Variants in CAST observed in about 807,000 individuals in gnomAD.
CAST encodes the protein calpastatin.
CAST carries 76 observed loss-of-function variants against 119.6 expected under a neutral mutation model. That is an observed-to-expected ratio of 0.64 (90% CI 0.53 to 0.77). The LOEUF (loss-of-function observed/expected upper bound fraction) is 0.77, where lower values mean the gene tolerates loss of function less well. Among genes scored for constraint, CAST ranks in the 30% least tolerant of loss-of-function variants. The pLI is 0.00. For missense variants in CAST, 953 were observed against 946.5 expected (o/e 1.01, Z -0.09); for synonymous variants, 319 against 331.6 (o/e 0.96, Z 0.41).
intron 1 of CAST, among the ~76,000 whole-genome samples, chr5:96,645,349 G>A (rs542096023): frequency 3.3e-5 from 5 of 152,016 alleles, no homozygotes; most frequent in Non-Finnish European, 7.4e-5. Flanking sequence ...TTCATCACGC[G>A]GTTAAGGTGG....
chr5:95,997,963 G>GTT, the CAST span, among the ~76,000 whole-genome samples: 154 of 93,572 alleles, frequency 1.6e-3, no homozygotes, highest in African/African-American at 3.7e-3. Flanking sequence ...TTGAGAGAGG[G>GTT]TTTTTTTTTT....
At chr5:96,149,178 C>A in the CAST span, among the ~76,000 whole-genome samples, 4 of 152,292 alleles carry the variant, frequency 2.6e-5, no homozygotes, top group East Asian at 7.7e-4. Context: ...GGGAATGAGA[C>A]TTGTCTGTGA....
chr5:96,188,795 T>C, the CAST span, among the ~76,000 whole-genome samples: 1 of 152,224 alleles, frequency 6.6e-6, no homozygotes, highest in Non-Finnish European at 1.5e-5. Context: ...AAGAAGGTGC[T>C]AGATTATACT....
the CAST span, among the ~76,000 whole-genome samples, chr5:96,293,578 T>C: frequency 1.3e-5 from 2 of 151,446 alleles, no homozygotes; most frequent in Non-Finnish European, 3.0e-5. Context: ...GCCTGGCCTC[T>C]AGATTCTTTT....
intron 1 of CAST, among the ~76,000 whole-genome samples, chr5:96,578,425 T>G (rs1014672707): frequency 6.6e-6 from 1 of 151,952 alleles, no homozygotes; most frequent in Admixed American, 6.6e-5. Flanking sequence ...TTGGTATATT[T>G]AGACAATGTA....
intron 3 of CAST, among the ~76,000 whole-genome samples, chr5:96,717,872 G>C (rs966778346): frequency 3.3e-5 from 5 of 152,186 alleles, no homozygotes; most frequent in Admixed American, 2.0e-4. Context: ...AAACATGGTA[G>C]ACATTTATTT....
chr5:96,398,890 G>A, the CAST span: 1 of 1,613,206 alleles, frequency 6.2e-7, no homozygotes, highest in Non-Finnish European at 8.5e-7. Flanking sequence ...AGCAGCAGAA[G>A]TAAGTGTGAC....
chr5:96,167,271 G>A, the CAST span, among the ~76,000 whole-genome samples: 5 of 152,302 alleles, frequency 3.3e-5, no homozygotes, highest in South Asian at 1.0e-3. Flanking sequence ...CAGCTGTGAT[G>A]GCTTGGAGAA....
At chr5:96,488,097 A>G in the CAST span, among the ~76,000 whole-genome samples, 1 of 152,238 alleles carries the variant, frequency 6.6e-6, no homozygotes. Context: ...AAGCAACTTT[A>G]TGCTTCAGAA....
chr5:96,617,711 G>A (rs1431911704), intron 1 of CAST, among the ~76,000 whole-genome samples: 1 of 142,952 alleles, frequency 7.0e-6, no homozygotes. Flanking sequence ...ATAATGGCGT[G>A]AACCCGGGAG....
the CAST span, among the ~76,000 whole-genome samples, chr5:96,128,359 G>A: frequency 6.6e-6 from 1 of 152,052 alleles, no homozygotes; most frequent in Non-Finnish European, 1.5e-5. Flanking sequence ...TCTGATTGAT[G>A]TTTCCTCGGC....
chr5:96,741,634 A>G (rs1348425018), intron 15 of CAST, 54 bp downstream of exon 15: 1 of 1,219,440 alleles, frequency 8.2e-7, no homozygotes, highest in Non-Finnish European at 1.2e-6. Context: ...GATCTAGCTC[A>G]TTCAGGAAAC....
At chr5:96,358,818 G>A in the CAST span, among the ~76,000 whole-genome samples, 4 of 152,192 alleles carry the variant, frequency 2.6e-5, no homozygotes, top group African/African-American at 9.7e-5. Flanking sequence ...TTGATCTGTA[G>A]TGGAGCGTTC....
chr5:96,672,458 C>A (rs142909411), intron 1 of CAST, among the ~76,000 whole-genome samples: 2 of 151,980 alleles, frequency 1.3e-5, no homozygotes, highest in East Asian at 3.9e-4. Flanking sequence ...GCCTGTAATC[C>A]CAACGCTTTG....
Position 96,741,339 on chromosome 5 carries a change from G to C in CAST, c.992G>C (p.Gly331Ala), listed in dbSNP as rs1762619556. Residue 331 changes from glycine to alanine, a missense_variant, in exon 14 of 32, where the codon GGA becomes GCA. Transcript: ENST00000675179. ...DFTCGSPTAA[G>A]KKTEKEESTE... ...ACCTGTGGGTCGCCTACAGCTGCTG[G>C]AAAGAAAACTGAAAAAGAGGTATTG... The C allele has an allele frequency of 6.2e-7, 1 of 1,610,578 alleles. No homozygotes were observed. Among genetic ancestry groups the C allele is most frequent in the Non-Finnish European group, 8.5e-7 (1 of 1,176,906 alleles).
At position 96,626,972 on chromosome 5, in the gene CAST, A is replaced by G. The variant is rs568602561; in HGVS notation, c.61-48567A>G. Among the ~76,000 whole-genome samples, 9 of 152,298 alleles carry G rather than the reference A, an allele frequency of 5.9e-5. No homozygotes were observed. In the South Asian group the frequency reaches 8.3e-4, roughly 14 times the overall value. ...TGCATTGCTTTCTAATATTTTTACC[A>G]TGAATATTTTGTTTGGGAGAATACA... On this transcript the variant is annotated intron_variant, in intron 1 of 11. Transcript: ENST00000505143.
At chr5:96,637,503 A>T (rs948121584) in intron 1 of CAST, among the ~76,000 whole-genome samples, 1 of 152,196 alleles carries the variant, frequency 6.6e-6, no homozygotes, top group Non-Finnish European at 1.5e-5. Context: ...ATAACTTCCT[A>T]TGGTGAACTG....
chr5:96,118,630 CTTTTTTT>C, the CAST span, among the ~76,000 whole-genome samples: 2 of 129,948 alleles, frequency 1.5e-5, no homozygotes, highest in Non-Finnish European at 3.3e-5. Flanking sequence ...TGGAAATTTG[CTTTTTTT>C]TTTTTTTTTG....
the CAST span, among the ~76,000 whole-genome samples, chr5:95,993,535 C>T: frequency 1.6e-4 from 25 of 152,108 alleles, no homozygotes; most frequent in Non-Finnish European, 5.9e-5. Context: ...CAAGACAGCC[C>T]CTGCAACAAA....
Sources: allele counts gnomAD v4.1 joint callset (sites outside exome capture counted in the v4.1 genomes callset), GRCh38; gene constraint gnomAD v4.1.1; transcripts MANE v1.5; gene names NCBI Gene and HGNC (gene_info 2026-07-23, HGNC 2026-07-21).